The following RGS7 variants were observed in gnomAD, a reference collection of about 807,000 sequenced individuals.
RGS7 encodes the protein regulator of G-protein signaling 7.
In RGS7, 27 loss-of-function variants were observed where a neutral mutation model predicts 81.1. The observed-to-expected ratio is 0.33, with a 90% CI of 0.25 to 0.46. The LOEUF is 0.46. RGS7 is among the 20% of genes least tolerant of loss of function. The probability of loss-of-function intolerance (pLI) is 1.00; values close to 1 mark genes in which losing one functional copy is unlikely to be tolerated. For missense variants in RGS7, 396 were observed against 607.4 expected (o/e 0.65, Z 3.66); for synonymous variants, 208 against 207.7 (o/e 1.00, Z -0.01).
At chr1:241,348,336 T>C (rs1573789452) in intron 2 of RGS7, among the ~76,000 whole-genome samples, 2 of 152,296 alleles carry the variant, frequency 1.3e-5, no homozygotes, top group East Asian at 3.9e-4. Flanking sequence ...AATCTTATCG[T>C]TCCTGGGGTT....
At chr1:241,011,278 A>C (rs2058942243) in intron 3 of RGS7, among the ~76,000 whole-genome samples, 1 of 152,142 alleles carries the variant, frequency 6.6e-6, no homozygotes, top group African/African-American at 2.4e-5. Context: ...TGGGGACTGA[A>C]AGGCAGAAGG....
At chr1:241,183,801 TA>T (rs1306183907) in intron 2 of RGS7, among the ~76,000 whole-genome samples, 1 of 152,148 alleles carries the variant, frequency 6.6e-6, no homozygotes, top group Non-Finnish European at 1.5e-5. Context: ...TTTGGAAAAG[TA>T]AACAGTAAGG....
intron 2 of RGS7, among the ~76,000 whole-genome samples, chr1:241,169,395 G>A (rs1343969364): frequency 7.6e-6 from 1 of 131,272 alleles, no homozygotes; most frequent in Admixed American, 8.9e-5. Flanking sequence ...CCAGGCTGGA[G>A]TGCAGTGGCG....
chr1:240,939,585 C>A (rs1558498130), intron 4 of RGS7, among the ~76,000 whole-genome samples: 1 of 152,128 alleles, frequency 6.6e-6, no homozygotes, highest in South Asian at 2.1e-4. Context: ...GAAGAATATG[C>A]CATCCCAAAA....
At chr1:241,022,383 G>A (rs2148699338) in intron 3 of RGS7, among the ~76,000 whole-genome samples, 1 of 152,224 alleles carries the variant, frequency 6.6e-6, no homozygotes, top group Non-Finnish European at 1.5e-5. Flanking sequence ...CCCTCTTCTT[G>A]CCTTTGTTAG....
At chr1:241,343,965 C>T (rs1190988460) in intron 2 of RGS7, among the ~76,000 whole-genome samples, 4 of 152,034 alleles carry the variant, frequency 2.6e-5, no homozygotes, top group South Asian at 2.1e-4. Flanking sequence ...TGTCCCTTAC[C>T]TAAGGATCCA....
At chr1:241,170,731 A>G (rs770781277) in intron 2 of RGS7, among the ~76,000 whole-genome samples, 1 of 152,186 alleles carries the variant, frequency 6.6e-6, no homozygotes, top group Non-Finnish European at 1.5e-5. Context: ...GGGCAGTAGG[A>G]AAGATTTCAC....
chr1:241,075,984 T>C (rs565702885), intron 3 of RGS7, among the ~76,000 whole-genome samples: 1 of 152,314 alleles, frequency 6.6e-6, no homozygotes, highest in East Asian at 1.9e-4. Flanking sequence ...GAGTGATACA[T>C]CCATCACCCC....
intron 10 of RGS7, among the ~76,000 whole-genome samples, chr1:240,819,527 T>C (rs1691405145): frequency 6.6e-6 from 1 of 152,062 alleles, no homozygotes; most frequent in African/African-American, 2.4e-5. Context: ...TATCATGAGA[T>C]CAGGAGATAG....
intron 2 of RGS7, among the ~76,000 whole-genome samples, chr1:241,236,854 T>C (rs2076009372): frequency 6.6e-6 from 1 of 152,184 alleles, no homozygotes; most frequent in Non-Finnish European, 1.5e-5. Context: ...ATCCATCTGA[T>C]CTTCAATGTG....
intron 3 of RGS7, among the ~76,000 whole-genome samples, chr1:241,054,947 T>C (rs1209268260): frequency 6.6e-6 from 1 of 152,194 alleles, no homozygotes; most frequent in Non-Finnish European, 1.5e-5. Flanking sequence ...ATCCAAACTT[T>C]CTAACTATGG....
chr1:241,344,749 G>A (rs1411499888), intron 2 of RGS7, among the ~76,000 whole-genome samples: 2 of 152,160 alleles, frequency 1.3e-5, no homozygotes, highest in African/African-American at 4.8e-5. Flanking sequence ...TAAGGGATAT[G>A]ATCAATACCT....
Position 241,087,976 on chromosome 1 carries a change from C to CTATA in RGS7, c.175+10686_175+10689dup, listed in dbSNP as rs1191726960. Among the ~76,000 whole-genome samples the CTATA allele has an allele frequency of 2.2e-3, 205 of 94,698 alleles. 2 individuals carry two copies. The highest frequency in any genetic ancestry group is 0.01 in the Admixed American group (91 of 8,834). 62.1% of individuals were successfully genotyped at this position (94,698 alleles called of 152,430 possible). On this transcript the variant is annotated intron_variant, in intron 3 of 18. Coordinates refer to ENST00000440928, the MANE Select transcript of RGS7 (RefSeq NM_001364886.1). ...TCTCTCTCTCTCTCTCTCTCTCTCT[C>CTATA]TATATATATATATATATATACACAC... is the stretch of plus-strand genomic sequence containing the variant.
At chr1:240,989,938 T>G (rs1256056834) in intron 3 of RGS7, among the ~76,000 whole-genome samples, 2 of 152,174 alleles carry the variant, frequency 1.3e-5, no homozygotes, top group Non-Finnish European at 2.9e-5. Context: ...CTGGACATCT[T>G]CATTTCTCTC....
intron 6 of RGS7, among the ~76,000 whole-genome samples, chr1:240,891,355 C>T (rs1668262433): frequency 6.6e-6 from 1 of 152,146 alleles, no homozygotes; most frequent in Non-Finnish European, 1.5e-5. Flanking sequence ...AGTGTTACTT[C>T]AGATTCAAAT....
At chr1:241,350,479 A>G (rs2083166220) in intron 2 of RGS7, among the ~76,000 whole-genome samples, 1 of 152,220 alleles carries the variant, frequency 6.6e-6, no homozygotes, top group African/African-American at 2.4e-5. Context: ...TAAAAGGACC[A>G]TGCCTTTCAT....
At chr1:240,799,580 C>A (rs772772654) in intron 18 of RGS7, among the ~76,000 whole-genome samples, 1 of 152,056 alleles carries the variant, frequency 6.6e-6, no homozygotes, top group Non-Finnish European at 1.5e-5. Flanking sequence ...GATATCCAAC[C>A]TTTTGGCTTC....
At chr1:240,925,523 AC>A (rs1674301697) in intron 6 of RGS7, among the ~76,000 whole-genome samples, 1 of 152,068 alleles carries the variant, frequency 6.6e-6, no homozygotes. Context: ...TATCCAGTAC[AC>A]TATTGATGGG....
chr1:240,776,259 G>T, intron 18 of RGS7, 46 bp from the exon 19 acceptor site: 3 of 1,451,202 alleles, frequency 2.1e-6, no homozygotes, highest in Non-Finnish European at 2.9e-6. Flanking sequence ...AATCAAGTAC[G>T]ATCACTGAAA....
Sources: gnomAD v4.1 joint callset for allele counts (sites outside exome capture counted in the v4.1 genomes callset) on GRCh38, gnomAD v4.1.1 for gene constraint, MANE v1.5 for transcripts, NCBI Gene and HGNC (gene_info 2026-07-23, HGNC 2026-07-21) for gene names.